Variants in KRT20 observed in about 807,000 individuals in gnomAD.
KRT20 encodes keratin 20.
In KRT20, 41 loss-of-function variants were observed where a neutral mutation model predicts 43.0. That is an observed-to-expected ratio of 0.95 (90% CI 0.74 to 1.24). The LOEUF is 1.24. KRT20 is among the 50% of genes most tolerant of loss of function. KRT20 has a pLI of 0.00. For missense variants in KRT20, 533 were observed against 521.2 expected, an observed-to-expected ratio of 1.02 and a Z score of -0.22; for synonymous variants, 207 against 200.6, an observed-to-expected ratio of 1.03 and a Z score of -0.27.
At chr17:40,878,111 A>T (rs1301648839) in intron 6 of KRT20, 34 bp downstream of exon 6, 1 of 1,534,110 alleles carries the variant, frequency 6.5e-7, no homozygotes, top group African/African-American at 1.4e-5. Context: ...GCATACAGAT[A>T]TTGACACCTA....
chr17:40,880,816 A>G (rs190769106), intron 2 of KRT20, 46 bp from the exon 3 acceptor site: 2 of 1,405,024 alleles, frequency 1.4e-6, no homozygotes, highest in African/African-American at 1.5e-5. Flanking sequence ...TTCTGAAGCC[A>G]TTATAAGGAG....
At chr17:40,878,603 G>A (rs1048303545) in intron 5 of KRT20, among the ~76,000 whole-genome samples, 39 of 152,120 alleles carry the variant, frequency 2.6e-4, no homozygotes, top group African/African-American at 8.7e-4. Flanking sequence ...TCAGTGCGGC[G>A]CATTGTAGCA....
At chr17:40,878,819 T>TG (rs1038247793) in intron 5 of KRT20, among the ~76,000 whole-genome samples, 21 of 151,638 alleles carry the variant, frequency 1.4e-4, no homozygotes, top group African/African-American at 5.1e-4. Flanking sequence ...TTTTTTTTTT[T>TG]GGGACGGAGT....
intron 6 of KRT20, 23 bp from the exon 7 acceptor site, chr17:40,877,440 G>C: frequency 7.1e-7 from 1 of 1,401,682 alleles, no homozygotes; most frequent in Non-Finnish European, 9.6e-7. Flanking sequence ...TTAATGAAAA[G>C]AAGAAAAAAG....
intron 7 of KRT20, 50 bp from the exon 8 acceptor site, chr17:40,876,508 G>T: frequency 9.5e-7 from 1 of 1,055,908 alleles, no homozygotes; most frequent in Non-Finnish European, 1.5e-6. Flanking sequence ...TGACTCTGCT[G>T]ATTTATAATA....
In KRT20 at chr17:40,882,657, G is replaced by A; in HGVS notation, c.391-3C>T. 7.1e-7 allele frequency: 1 copy of A among 1,414,110 alleles called. No individual in the cohort carries two copies. Among genetic ancestry groups the A allele is most frequent in the East Asian group, 2.6e-5 (1 of 38,668 alleles). 87.6% of individuals were successfully genotyped at this position (1,414,110 alleles called of 1,614,324 possible). A position where few individuals can be genotyped will look rare whatever the true frequency, so the allele number is the denominator to read the frequency against. On this transcript the variant is annotated splice_polypyrimidine_tract_variant and splice_region_variant and intron_variant, in intron 1 of 7. Coordinates refer to ENST00000167588, the MANE Select transcript of KRT20 (RefSeq NM_019010.3). ...TTTTGCAGTTGAGCATCCTTAATCT[G>A]GAAAATACATGAGAAAGAATGACAT...
chr17:40,879,184 T>G (rs1907478743), intron 5 of KRT20, among the ~76,000 whole-genome samples: 1 of 152,152 alleles, frequency 6.6e-6, no homozygotes, highest in Admixed American at 6.5e-5. Context: ...AGCCTTGCCC[T>G]TGGAAAGGAA....
rs780211829 is a variant in KRT20, at chr17:40,878,242, G to A, written c.1042C>T (p.Arg348Cys). The A allele has an allele frequency of 2.5e-5, 41 of 1,613,924 alleles. No homozygotes were observed. The highest frequency in any genetic ancestry group is 5.5e-5 in the South Asian group (5 of 91,080). Residue 348 changes from arginine (R) to cysteine (C), a missense_variant, in exon 6 of 8, where the codon CGC becomes TGC. By Grantham distance (180) the Arg-to-Cys change is radical. Coordinates refer to ENST00000167588, the MANE Select transcript of KRT20 (RefSeq NM_019010.3). ...QLMQIRSNME[R>C]QNNEYHILLD... ...AGGATATGGTATTCGTTGTTCTGGC[G>A]TTCCATGTTACTCCGAATCTGCATC...
intron 5 of KRT20, among the ~76,000 whole-genome samples, chr17:40,878,701 C>G (rs1469815683): frequency 2.0e-5 from 3 of 152,194 alleles, no homozygotes; most frequent in Non-Finnish European, 4.4e-5. Context: ...TGTGGCATTT[C>G]TCAATTGCAG....
At chr17:40,877,495 C>T (rs1200218481) in intron 6 of KRT20, 78 bp from the exon 7 acceptor site, 3 of 825,294 alleles carry the variant, frequency 3.6e-6, no homozygotes, top group African/African-American at 3.6e-5. Flanking sequence ...GGAATGCACT[C>T]CTGTCTTTTA....
In KRT20 at chr17:40,885,062, G is replaced by A. The variant is rs1192320676; in HGVS notation, c.124C>T (p.Arg42Trp). The A allele has an allele frequency of 2.5e-6, 4 of 1,614,068 alleles. No individual in the cohort carries two copies. Among genetic ancestry groups the A allele is most frequent in the East Asian group, 2.2e-5 (1 of 44,874 alleles). Reference protein sequence around the residue: ...TPSVYGGAGGRGIRISNSRHT... With the variant: ...TPSVYGGAGGWGIRISNSRHT... ...CTGGAGTTGGAGATGCGGATGCCCCGGCCTCCAGCACCCCCATAAACGCTG... is the reference window on the plus strand; with the variant it reads ...CTGGAGTTGGAGATGCGGATGCCCCAGCCTCCAGCACCCCCATAAACGCTG... Residue 42 changes from arginine to tryptophan, a missense_variant, in exon 1 of 8, where the codon CGG becomes TGG. Coordinates refer to ENST00000167588, the MANE Select transcript of KRT20 (RefSeq NM_019010.3).
Position 40,880,343 on chromosome 17 carries a change from C to G in KRT20, c.631-82G>C. ...TGGGCAGAAAAGACATAAGGAGTCT[C>G]ATGACCTCTTTCATTGGGAATAAGT... On this transcript the variant is annotated intron_variant, in intron 3 of 7. Coordinates refer to ENST00000167588, the MANE Select transcript of KRT20 (RefSeq NM_019010.3). 4.7e-6 allele frequency: 6 copies of G among 1,285,310 alleles called. No homozygotes were observed. The South Asian group carries it at 8.8e-5, about 19-fold the overall frequency. 79.6% of individuals were successfully genotyped at this position (1,285,310 alleles called of 1,614,324 possible).
intron 3 of KRT20, 90 bp from the exon 4 acceptor site, chr17:40,880,351 C>G (rs1907541451): frequency 1.7e-6 from 2 of 1,212,006 alleles, no homozygotes; most frequent in Non-Finnish European, 1.2e-6. Context: ...CTCATGACCT[C>G]TTTCATTGGG....
Position 40,880,240 on chromosome 17 carries a change from G to C in KRT20, c.652C>G (p.His218Asp), listed in dbSNP as rs759022771. The C allele has an allele frequency of 4.4e-6, 7 of 1,602,046 alleles. No individual in the cohort carries two copies. In the African/African-American group the frequency reaches 8.1e-5, roughly 18 times the overall value. The change falls in exon 4 of 8, where the codon CAT becomes GAT. Residue 218 changes from histidine to aspartate, a missense_variant. Coordinates refer to ENST00000167588, the MANE Select transcript of KRT20 (RefSeq NM_019010.3). ...HQEEVDGLHK[H>D]LGNTVNVEVD... The stretch of plus-strand genomic sequence containing the variant: ...TCCACATTGACAGTGTTGCCCAGAT[G>C]CTTGTGTAGGCCATCGACTTCCTAT...
At position 40,885,180 on chromosome 17, in the gene KRT20, A is replaced by G. The variant is rs199903408; in HGVS notation, c.6T>C (p.Asp2=). 3.8e-6 allele frequency: 6 copies of G among 1,598,390 alleles called. No individual in the cohort carries two copies. The Admixed American group carries it at 8.5e-5, about 23-fold the overall frequency. The change falls in exon 1 of 8, where the codon GAT becomes GAC. Residue 2 remains aspartate, a synonymous_variant. Coordinates refer to ENST00000167588, the MANE Select transcript of KRT20 (RefSeq NM_019010.3). M[D]FSRRSFHRSL... is the part of the protein sequence containing the mutation. ...TTCTGTGGAAGCTTCTGCGACTGAA[A>G]TCCATTGGAGATTCCAGGAGGGAGC...
chr17:40,878,811 T>TG (rs1440944552), intron 5 of KRT20, among the ~76,000 whole-genome samples: 1 of 151,494 alleles, frequency 6.6e-6, no homozygotes, highest in Admixed American at 6.6e-5. Context: ...TCTTTTTCTT[T>TG]TTTTTTTTGG....
Position 40,885,000 on chromosome 17 carries a change from G to A in KRT20, c.186C>T (p.Gly62=), listed in dbSNP as rs1488312655. The A allele has an allele frequency of 1.2e-6, 2 of 1,614,094 alleles. No homozygotes were observed. The highest frequency in any genetic ancestry group is 1.3e-5 in the African/African-American group (1 of 74,998). The part of the protein sequence containing the change: ...TVNYGSDLTG[G]GDLFVGNEKM... The stretch of plus-strand genomic sequence containing the variant: ...TCTCATTGCCAACAAACAGGTCCCC[G>A]CCGCCTGTGAGATCGCTCCCATAGT... Residue 62 remains glycine, a synonymous_variant, in exon 1 of 8, where the codon GGC becomes GGT. Transcript: ENST00000167588.
At position 40,884,844 on chromosome 17, in the gene KRT20, A is replaced by ACCAG; in HGVS notation, c.338_341dup (p.Arg115TrpfsTer12). ...GTCTGTAATATGCACTGTAGTCGCG[A>ACCAG]CCAGCCCTCGGGGCGTTGGTTTCGT... is the stretch of plus-strand genomic sequence containing the variant. On this transcript the variant is annotated frameshift_variant, in exon 1 of 8. Transcript: ENST00000167588. The ACCAG allele has an allele frequency of 6.2e-7, 1 of 1,614,190 alleles. No individual in the cohort carries two copies. Among genetic ancestry groups the ACCAG allele is most frequent in the Non-Finnish European group, 8.5e-7 (1 of 1,180,036 alleles).
In KRT20 at chr17:40,882,688, T is replaced by TA. The variant is rs762945175; in HGVS notation, c.391-35_391-34insT. The TA allele has an allele frequency of 1.5e-3, 1,387 of 912,640 alleles. 16 individuals are homozygous for TA. The African/African-American group carries it at 0.021, about 14-fold the overall frequency. 56.5% of individuals were successfully genotyped at this position (912,640 alleles called of 1,614,324 possible). ...TACATGAGAAAGAATGACATTTTCT[T>TA]TTTTATTTATTTATTTATTTATTTA... is the stretch of plus-strand genomic sequence containing the variant. On this transcript the variant is annotated intron_variant, in intron 1 of 7. Coordinates refer to ENST00000167588, the MANE Select transcript of KRT20 (RefSeq NM_019010.3).
Sources: gnomAD v4.1 joint callset for allele counts (sites outside exome capture counted in the v4.1 genomes callset) on GRCh38, gnomAD v4.1.1 for gene constraint, MANE v1.5 for transcripts, NCBI Gene and HGNC (gene_info 2026-07-23, HGNC 2026-07-21) for gene names.